Variants in RSU1 observed in about 807,000 individuals in gnomAD.
RSU1 encodes rsu-1.
In RSU1, 26 loss-of-function variants were observed where a neutral mutation model predicts 31.1. The ratio of observed to expected loss-of-function variants is 0.84; its 90% CI spans 0.61 to 1.16. RSU1 has a LOEUF of 1.16. RSU1 is among the 50% of genes most tolerant of loss of function. The pLI, the probability that RSU1 is intolerant of heterozygous loss-of-function variation, is 0.00. For synonymous variants in RSU1, 164 were observed against 136.3 expected (o/e 1.20, Z -1.41); for missense variants, 320 against 339.1 (o/e 0.94, Z 0.44).
intron 7 of RSU1, among the ~76,000 whole-genome samples, chr10:16,748,925 T>C (rs1355339932): frequency 6.6e-6 from 1 of 151,520 alleles, no homozygotes; most frequent in Non-Finnish European, 1.5e-5. Context: ...TCTCTCTTTC[T>C]TCTGTCTTCT....
chr10:16,594,121 T>C (rs1054011867), intron 8 of RSU1, among the ~76,000 whole-genome samples: 1 of 152,226 alleles, frequency 6.6e-6, no homozygotes, highest in African/African-American at 2.4e-5. Context: ...ATCGATAATT[T>C]ATGAGTAATT....
intron 7 of RSU1, among the ~76,000 whole-genome samples, chr10:16,703,913 C>T (rs1429102375): frequency 6.6e-6 from 1 of 152,180 alleles, no homozygotes; most frequent in Non-Finnish European, 1.5e-5. Context: ...CGTTCTCAAA[C>T]TTGAGTGTGC....
chr10:16,779,231 C>A (rs1025917547), intron 3 of RSU1, among the ~76,000 whole-genome samples: 2 of 152,160 alleles, frequency 1.3e-5, no homozygotes, highest in Non-Finnish European at 2.9e-5. Context: ...AGTCTTGGAG[C>A]ATTAACAGCA....
At chr10:16,741,956 C>A (rs1034022463) in intron 7 of RSU1, among the ~76,000 whole-genome samples, 1 of 152,052 alleles carries the variant, frequency 6.6e-6, no homozygotes, top group African/African-American at 2.4e-5. Flanking sequence ...TTTCATTTAA[C>A]CAGTGCTCCC....
At chr10:16,652,432 G>C (rs1834703289) in intron 8 of RSU1, among the ~76,000 whole-genome samples, 1 of 133,448 alleles carries the variant, frequency 7.5e-6, no homozygotes, top group Non-Finnish European at 1.6e-5. Flanking sequence ...CTGGAGAAAT[G>C]AGCCATTCTT....
chr10:16,744,963 T>C (rs1380647787), intron 7 of RSU1, among the ~76,000 whole-genome samples: 1 of 152,186 alleles, frequency 6.6e-6, no homozygotes, highest in African/African-American at 2.4e-5. Flanking sequence ...GCCTTTCTTT[T>C]ATCCACAGGA....
At chr10:16,677,239 G>T (rs1424973294) in intron 8 of RSU1, among the ~76,000 whole-genome samples, 3 of 152,154 alleles carry the variant, frequency 2.0e-5, no homozygotes, top group Non-Finnish European at 2.9e-5. Context: ...GTCCTCAGTT[G>T]TTTTACTTAA....
At chr10:16,738,120 C>T (rs147345531) in intron 7 of RSU1, among the ~76,000 whole-genome samples, 102 of 152,182 alleles carry the variant, frequency 6.7e-4, no homozygotes, top group African/African-American at 2.2e-3. Context: ...GCTAAAACAA[C>T]GGAGAAAAAC....
chr10:16,815,761 GA>G (rs1838515265), intron 2 of RSU1, among the ~76,000 whole-genome samples: 1 of 152,208 alleles, frequency 6.6e-6, no homozygotes, highest in Non-Finnish European at 1.5e-5. Flanking sequence ...GGAGGGAAGG[GA>G]TATGTTAGCC....
chr10:16,594,722 T>C (rs1265891541), intron 8 of RSU1, among the ~76,000 whole-genome samples: 3 of 147,386 alleles, frequency 2.0e-5, no homozygotes, highest in Non-Finnish European at 4.5e-5. Context: ...ATGATACATA[T>C]AGATAATATA....
At chr10:16,661,262 G>C (rs1834883289) in intron 8 of RSU1, among the ~76,000 whole-genome samples, 1 of 150,498 alleles carries the variant, frequency 6.6e-6, no homozygotes, top group Non-Finnish European at 1.5e-5. Flanking sequence ...TTCCCTGAGA[G>C]TGTATGTGTG....
intron 8 of RSU1, among the ~76,000 whole-genome samples, chr10:16,648,860 T>G (rs1037087788): frequency 5.9e-5 from 9 of 152,090 alleles, no homozygotes; most frequent in African/African-American, 2.2e-4. Flanking sequence ...CTGTAAAATG[T>G]TAAACAGTTT....
At chr10:16,779,651 TC>T (rs768126879) in intron 3 of RSU1, among the ~76,000 whole-genome samples, 1 of 152,032 alleles carries the variant, frequency 6.6e-6, no homozygotes, top group Non-Finnish European at 1.5e-5. Context: ...ATCTTTTGAG[TC>T]CCTGTGGTTT....
intron 7 of RSU1, among the ~76,000 whole-genome samples, chr10:16,722,932 A>G (rs867552818): frequency 2.9e-4 from 43 of 150,126 alleles, no homozygotes; most frequent in Middle Eastern, 3.6e-3. Flanking sequence ...ATATATACAC[A>G]CATATACATA....
chr10:16,615,973 G>A (rs1244072848), intron 8 of RSU1, among the ~76,000 whole-genome samples: 1 of 152,008 alleles, frequency 6.6e-6, no homozygotes, highest in Non-Finnish European at 1.5e-5. Context: ...AACTAGAGAA[G>A]CAAGAGCATA....
intron 8 of RSU1, among the ~76,000 whole-genome samples, chr10:16,635,627 C>T (rs1834332706): frequency 6.6e-6 from 1 of 152,230 alleles, no homozygotes; most frequent in South Asian, 2.1e-4. Flanking sequence ...TATCTCCTAC[C>T]TCATTGTCCC....
At chr10:16,707,185 A>T (rs1835923428) in intron 7 of RSU1, among the ~76,000 whole-genome samples, 1 of 152,164 alleles carries the variant, frequency 6.6e-6, no homozygotes, top group Non-Finnish European at 1.5e-5. Flanking sequence ...AGTTATTGTA[A>T]ACAGTGCTGC....
chr10:16,672,093 CTG>C (rs1294174158), intron 8 of RSU1, among the ~76,000 whole-genome samples: 1 of 147,814 alleles, frequency 6.8e-6, no homozygotes, highest in African/African-American at 2.5e-5. Flanking sequence ...GGTCAGGAGA[CTG>C]AGACCATCCT....
chr10:16,650,477 GACTT>G (rs1448659426), intron 8 of RSU1, among the ~76,000 whole-genome samples: 1 of 151,032 alleles, frequency 6.6e-6, no homozygotes, highest in Non-Finnish European at 1.5e-5. Flanking sequence ...TTTGAGAAGA[GACTT>G]ACAAGTAGAC....
Sources: allele counts gnomAD v4.1 joint callset (sites outside exome capture counted in the v4.1 genomes callset), GRCh38; gene constraint gnomAD v4.1.1; transcripts MANE v1.5; gene names NCBI Gene and HGNC (gene_info 2026-07-23, HGNC 2026-07-21).